The following CNTNAP2 variants were observed in gnomAD, a reference collection of about 807,000 sequenced individuals.
The protein encoded by CNTNAP2 is contactin associated protein 2.
CNTNAP2 carries 98 observed loss-of-function variants against 155.2 expected under a neutral mutation model. The observed-to-expected ratio is 0.63, with a 90% confidence interval of 0.54 to 0.75. CNTNAP2 has a LOEUF of 0.75. Ranked by LOEUF, CNTNAP2 falls within the 30% of genes least tolerant of loss-of-function variation. The probability of loss-of-function intolerance (pLI) is 0.00; values close to 1 mark genes in which losing one functional copy is unlikely to be tolerated. For synonymous variants in CNTNAP2, 651 were observed against 631.2 expected (o/e 1.03, Z -0.47); for missense variants, 1,727 against 1,688.1 (o/e 1.02, Z -0.40).
In CNTNAP2 at chr7:147,207,106, T is replaced by A. The variant is rs73457338; in HGVS notation, c.1348+74597T>A. 3.9e-3 allele frequency among the ~76,000 whole-genome samples: 595 copies of A among 152,334 alleles called. 3 individuals are homozygous for A. Among genetic ancestry groups the A allele is most frequent in the African/African-American group, 0.014 (575 of 41,580 alleles). On this transcript the variant is annotated intron_variant, in intron 8 of 23. Coordinates refer to ENST00000361727, the MANE Select transcript of CNTNAP2 (RefSeq NM_014141.6). ...CTCCACCTTCAAAATTCTGCTGAAA[T>A]GCCTCTCGTTGGCAGAATTTAATGT...
At chr7:146,485,899 T>C (rs950966017) in intron 1 of CNTNAP2, among the ~76,000 whole-genome samples, 1 of 152,154 alleles carries the variant, frequency 6.6e-6, no homozygotes, top group Non-Finnish European at 1.5e-5. Flanking sequence ...AATCTGTCTA[T>C]ACAATTTAAT....
chr7:147,769,876 C>T (rs78404828), intron 13 of CNTNAP2, among the ~76,000 whole-genome samples: 2,028 of 152,152 alleles, frequency 0.013, 104 homozygotes, highest in Admixed American at 0.09. Flanking sequence ...AGATGATGAT[C>T]GTAACCAATT....
chr7:146,320,712 A>G (rs951961463), intron 1 of CNTNAP2, among the ~76,000 whole-genome samples: 2 of 152,202 alleles, frequency 1.3e-5, no homozygotes, highest in Non-Finnish European at 1.5e-5. Context: ...ATAAAATAAT[A>G]CAGAAAGGGA....
At chr7:147,742,602 T>A (rs907370940) in intron 13 of CNTNAP2, among the ~76,000 whole-genome samples, 1 of 152,222 alleles carries the variant, frequency 6.6e-6, no homozygotes, top group African/African-American at 2.4e-5. Context: ...ACATACCTCC[T>A]ATTTTGAGCC....
At chr7:146,314,210 TC>T (rs2129091267) in intron 1 of CNTNAP2, among the ~76,000 whole-genome samples, 1 of 152,310 alleles carries the variant, frequency 6.6e-6, no homozygotes, top group African/African-American at 2.4e-5. Flanking sequence ...TCTAACCTGT[TC>T]CATTCGTCAG....
intron 1 of CNTNAP2, among the ~76,000 whole-genome samples, chr7:146,161,214 G>A (rs967368541): frequency 2.6e-5 from 4 of 152,148 alleles, no homozygotes; most frequent in East Asian, 1.9e-4. Context: ...AATAATAAGA[G>A]CTATGTATGA....
intron 23 of CNTNAP2, among the ~76,000 whole-genome samples, chr7:148,413,401 A>T (rs867942602): frequency 6.6e-5 from 3 of 45,366 alleles, no homozygotes; most frequent in African/African-American, 2.5e-4. Context: ...TCAAAAAAAA[A>T]ATATATATAT....
intron 13 of CNTNAP2, among the ~76,000 whole-genome samples, chr7:147,695,050 G>T (rs911332168): frequency 6.6e-6 from 1 of 151,928 alleles, no homozygotes; most frequent in Non-Finnish European, 1.5e-5. Context: ...TTTTAATTTA[G>T]TGCAAAAGAT....
At chr7:146,888,265 G>C (rs932278635) in intron 3 of CNTNAP2, among the ~76,000 whole-genome samples, 3 of 152,044 alleles carry the variant, frequency 2.0e-5, no homozygotes, top group African/African-American at 4.8e-5. Flanking sequence ...TATCTGAATA[G>C]TAGAACTCGT....
At chr7:147,922,406 A>G (rs1280402124) in intron 14 of CNTNAP2, among the ~76,000 whole-genome samples, 1 of 152,190 alleles carries the variant, frequency 6.6e-6, no homozygotes, top group Non-Finnish European at 1.5e-5. Flanking sequence ...TAGAGGGGCA[A>G]TGCCCAGGCT....
intron 16 of CNTNAP2, among the ~76,000 whole-genome samples, chr7:148,136,871 T>C (rs1804963232): frequency 6.6e-6 from 1 of 152,210 alleles, no homozygotes; most frequent in Admixed American, 6.5e-5. Flanking sequence ...ATATGCGCAG[T>C]CTTTAGGGAG....
chr7:147,382,504 A>G (rs1255959387), intron 9 of CNTNAP2, among the ~76,000 whole-genome samples: 1 of 152,188 alleles, frequency 6.6e-6, no homozygotes, highest in Non-Finnish European at 1.5e-5. Flanking sequence ...GTGACCAGTG[A>G]TATAGAGACA....
chr7:146,729,976 A>C (rs1263733101), intron 1 of CNTNAP2, among the ~76,000 whole-genome samples: 2 of 152,172 alleles, frequency 1.3e-5, no homozygotes, highest in Non-Finnish European at 2.9e-5. Context: ...GGAGTTAATC[A>C]TCCCCAGTCA....
intron 1 of CNTNAP2, among the ~76,000 whole-genome samples, chr7:146,366,763 A>G (rs1348282309): frequency 6.6e-6 from 1 of 152,142 alleles, no homozygotes; most frequent in Non-Finnish European, 1.5e-5. Context: ...AGAATTGTGG[A>G]AAACATTTTG....
chr7:146,919,708 C>T (rs1027470523), intron 3 of CNTNAP2, among the ~76,000 whole-genome samples: 9 of 152,156 alleles, frequency 5.9e-5, no homozygotes, highest in Admixed American at 5.9e-4. Flanking sequence ...TCAGCTAAGG[C>T]AGTATAAGGA....
chr7:147,391,273 T>C (rs1308643206), intron 9 of CNTNAP2, among the ~76,000 whole-genome samples: 2 of 152,186 alleles, frequency 1.3e-5, no homozygotes, highest in Admixed American at 1.3e-4. Flanking sequence ...CATTCTTGAT[T>C]AGAACTCAGT....
chr7:146,690,864 T>G (rs113563833), intron 1 of CNTNAP2, among the ~76,000 whole-genome samples: 44 of 152,262 alleles, frequency 2.9e-4, no homozygotes, highest in African/African-American at 1.1e-3. Context: ...AGCAACTGTT[T>G]CATTTTGTCA....
intron 1 of CNTNAP2, among the ~76,000 whole-genome samples, chr7:146,200,864 G>A (rs1798849738): frequency 6.6e-6 from 1 of 152,100 alleles, no homozygotes; most frequent in South Asian, 2.1e-4. Context: ...ACAGACTTCA[G>A]GCCAATACTG....
At chr7:147,769,285 G>A (rs578134149) in intron 13 of CNTNAP2, among the ~76,000 whole-genome samples, 5 of 151,892 alleles carry the variant, frequency 3.3e-5, no homozygotes, top group Non-Finnish European at 7.4e-5. Context: ...TAAAGAATTC[G>A]CCCCTTCTGA....
Sources: gnomAD v4.1 joint callset for allele counts (sites outside exome capture counted in the v4.1 genomes callset) on GRCh38, gnomAD v4.1.1 for gene constraint, MANE v1.5 for transcripts, NCBI Gene and HGNC (gene_info 2026-07-23, HGNC 2026-07-21) for gene names.